PDE4D: variants seen among roughly 807,000 people sequenced by gnomAD.
PDE4D encodes phosphodiesterase 4D.
Under a neutral mutation model 87.4 loss-of-function variants are expected in PDE4D, and 24 were observed. That is an observed-to-expected ratio of 0.27 (90% CI 0.20 to 0.39). PDE4D has a LOEUF of 0.39. PDE4D is among the 10% of genes least tolerant of loss of function. PDE4D has a pLI of 1.00. For missense variants in PDE4D, 714 were observed against 1,041.0 expected (o/e 0.69, Z 4.32); for synonymous variants, 384 against 383.2 (o/e 1.00, Z -0.02).
At chr5:59,175,831 C>T (rs1158354920) in intron 5 of PDE4D, among the ~76,000 whole-genome samples, 8 of 136,616 alleles carry the variant, frequency 5.9e-5, no homozygotes, top group African/African-American at 1.9e-4. Context: ...GGTCTCATTA[C>T]ATTGCCCAGG....
intron 1 of PDE4D, among the ~76,000 whole-genome samples, chr5:59,622,562 G>A (rs1041760151): frequency 6.6e-6 from 1 of 152,058 alleles, no homozygotes; most frequent in African/African-American, 2.4e-5. Flanking sequence ...GGCACACCCC[G>A]ATCTCTCTCC....
intron 1 of PDE4D, among the ~76,000 whole-genome samples, chr5:59,742,594 T>G (rs1759021451): frequency 6.6e-6 from 1 of 152,192 alleles, no homozygotes; most frequent in African/African-American, 2.4e-5. Context: ...TACCTCAATG[T>G]GGTAAGCATT....
intron 10 of PDE4D, 32 bp from the exon 11 acceptor site, chr5:58,988,624 T>C (rs1274761169): frequency 1.1e-6 from 1 of 925,770 alleles, no homozygotes; most frequent in Non-Finnish European, 1.6e-6. Context: ...ATAATATTAC[T>C]ATTCTACAAT....
chr5:60,097,265 T>TTGTGTGTGTGTG (rs57591657), intron 2 of PDE4D, among the ~76,000 whole-genome samples: 12 of 146,572 alleles, frequency 8.2e-5, no homozygotes, highest in African/African-American at 7.5e-5. Flanking sequence ...TGCTATGAAG[T>TTGTGTGTGTGTG]TGTGTGTGTG....
chr5:60,377,198 C>A (rs1231177057), intron 1 of PDE4D, among the ~76,000 whole-genome samples: 1 of 152,182 alleles, frequency 6.6e-6, no homozygotes. Flanking sequence ...TCTGTATTCC[C>A]CATTAGATTT....
chr5:60,071,361 C>T (rs547725134), intron 2 of PDE4D, among the ~76,000 whole-genome samples: 1 of 151,850 alleles, frequency 6.6e-6, no homozygotes, highest in Non-Finnish European at 1.5e-5. Context: ...ACACAGCCAT[C>T]TAAAAGAATA....
intron 1 of PDE4D, among the ~76,000 whole-genome samples, chr5:59,694,474 T>C (rs1751454414): frequency 3.3e-5 from 5 of 152,158 alleles, no homozygotes; most frequent in Admixed American, 6.5e-5. Flanking sequence ...TATTAAATGA[T>C]GCAAAACAAC....
chr5:60,186,668 A>G (rs935508720), intron 1 of PDE4D, among the ~76,000 whole-genome samples: 3 of 152,180 alleles, frequency 2.0e-5, no homozygotes, highest in Non-Finnish European at 4.4e-5. Flanking sequence ...ATGTAGTTCT[A>G]TCATTTGGGT....
chr5:60,120,391 G>T (rs1228216310), intron 2 of PDE4D, among the ~76,000 whole-genome samples: 2 of 152,182 alleles, frequency 1.3e-5, no homozygotes, highest in African/African-American at 4.8e-5. Context: ...CTTGGCAGAA[G>T]GGCAGGAAGC....
At chr5:60,414,203 C>A (rs982656505) in intron 1 of PDE4D, among the ~76,000 whole-genome samples, 1 of 152,156 alleles carries the variant, frequency 6.6e-6, no homozygotes, top group Non-Finnish European at 1.5e-5. Flanking sequence ...GTACTTTATA[C>A]CAATTATATA....
At chr5:59,432,858 A>C (rs1159307763) in intron 1 of PDE4D, among the ~76,000 whole-genome samples, 2 of 152,128 alleles carry the variant, frequency 1.3e-5, no homozygotes, top group East Asian at 1.9e-4. Flanking sequence ...ATAGTAAATA[A>C]TTTTTATTAA....
At chr5:59,430,271 C>G (rs1795914104) in intron 1 of PDE4D, 1 of 1,230,772 alleles carries the variant, frequency 8.1e-7, no homozygotes, top group African/African-American at 1.6e-5. Context: ...TGACAAACAA[C>G]TAGAGGAAAG....
At chr5:59,837,019 C>T (rs1383915470) in intron 1 of PDE4D, among the ~76,000 whole-genome samples, 1 of 151,962 alleles carries the variant, frequency 6.6e-6, no homozygotes, top group Non-Finnish European at 1.5e-5. Context: ...CACACTTTTG[C>T]TTCTCCATGT....
intron 1 of PDE4D, among the ~76,000 whole-genome samples, chr5:59,765,825 A>T (rs900927774): frequency 2.6e-5 from 4 of 152,252 alleles, no homozygotes; most frequent in Admixed American, 2.6e-4. Context: ...TTTGTAGAAC[A>T]GCAAGATTAT....
At chr5:59,831,632 G>A (rs544553598) in intron 1 of PDE4D, among the ~76,000 whole-genome samples, 175 of 152,154 alleles carry the variant, frequency 1.2e-3, no homozygotes, top group African/African-American at 4.1e-3. Flanking sequence ...TACATTCTAA[G>A]TTTCAGAGAC....
intron 1 of PDE4D, among the ~76,000 whole-genome samples, chr5:59,487,440 A>C (rs934076978): frequency 6.6e-6 from 1 of 152,206 alleles, no homozygotes; most frequent in Non-Finnish European, 1.5e-5. Flanking sequence ...CTGAAAGCCA[A>C]GAACCAGACT....
chr5:59,637,264 T>G (rs1178902474), intron 1 of PDE4D, among the ~76,000 whole-genome samples: 1 of 152,200 alleles, frequency 6.6e-6, no homozygotes, highest in Non-Finnish European at 1.5e-5. Flanking sequence ...GGAAAGGATG[T>G]GGAGAAATAG....
At chr5:59,229,229 A>AT (rs1255823986) in intron 1 of PDE4D, among the ~76,000 whole-genome samples, 9 of 152,140 alleles carry the variant, frequency 5.9e-5, no homozygotes, top group Non-Finnish European at 1.3e-4. Flanking sequence ...CTCAATAAAT[A>AT]TTTGTATCGT....
chr5:60,127,116 T>A (rs1779184965), intron 2 of PDE4D, among the ~76,000 whole-genome samples: 1 of 152,108 alleles, frequency 6.6e-6, no homozygotes, highest in Non-Finnish European at 1.5e-5. Context: ...CATGTGTTCC[T>A]GGCAGAGAGA....
Sources: allele counts gnomAD v4.1 joint callset (sites outside exome capture counted in the v4.1 genomes callset), GRCh38; gene constraint gnomAD v4.1.1; transcripts MANE v1.5; gene names NCBI Gene and HGNC (gene_info 2026-07-23, HGNC 2026-07-21).